Variants in CSF2RB observed in about 807,000 individuals in gnomAD.
CSF2RB encodes colony stimulating factor 2 receptor subunit beta.
CSF2RB carries 22 observed loss-of-function variants against 67.2 expected under a neutral mutation model. The observed-to-expected ratio is 0.33, with a 90% CI of 0.23 to 0.47. CSF2RB has a LOEUF of 0.47. Among genes scored for constraint, CSF2RB ranks in the 20% least tolerant of loss-of-function variants. The pLI is 1.00. For synonymous variants in CSF2RB, 507 were observed against 482.9 expected (o/e 1.05, Z -0.65); for missense variants, 1,113 against 1,174.5 (o/e 0.95, Z 0.76).
rs1277280402 is a variant in CSF2RB at position 36,938,256 on chromosome 22, G to A, written c.2448G>A (p.Leu816=). The part of the protein sequence containing the change: ...TSPQPEGLLV[L]QQVGDYCFLP... ...CACAGCCCGAGGGCCTCCTTGTCCTGCAGCAAGTGGGCGACTATTGCTTCC... is the reference window on the plus strand; with the variant it reads ...CACAGCCCGAGGGCCTCCTTGTCCTACAGCAAGTGGGCGACTATTGCTTCC... Residue 816 remains leucine (L), a synonymous_variant, in exon 14 of 14, where the codon CTG becomes CTA. Coordinates refer to ENST00000403662, the MANE Select transcript of CSF2RB (RefSeq NM_000395.3). 1.2e-6 allele frequency: 2 copies of A among 1,614,066 alleles called. No homozygotes were observed. The highest frequency in any genetic ancestry group is 1.7e-6 in the Non-Finnish European group (2 of 1,180,030).
chr22:36,917,957 A>G (rs1225764959), intron 1 of CSF2RB, among the ~76,000 whole-genome samples: 2 of 152,110 alleles, frequency 1.3e-5, no homozygotes, highest in African/African-American at 2.4e-5. Context: ...TAAAGAAACC[A>G]TATTTGCTAC....
intron 3 of CSF2RB, among the ~76,000 whole-genome samples, chr22:36,924,290 G>A (rs1479723737): frequency 4.5e-5 from 3 of 66,470 alleles, no homozygotes; most frequent in African/African-American, 1.2e-4. Flanking sequence ...TTTGCCCACC[G>A]CCGGGGCCTG....
At chr22:36,925,465 G>T (rs532741056) in intron 3 of CSF2RB, among the ~76,000 whole-genome samples, 36 of 152,038 alleles carry the variant, frequency 2.4e-4, no homozygotes, top group Non-Finnish European at 4.3e-4. Flanking sequence ...CCACTCACTC[G>T]CAGTGAGATC....
At chr22:36,924,480 G>A (rs1293923319) in intron 3 of CSF2RB, among the ~76,000 whole-genome samples, 7 of 152,102 alleles carry the variant, frequency 4.6e-5, no homozygotes, top group Admixed American at 1.3e-4. Context: ...GCCCACAGGA[G>A]TGCAGCGCCT....
chr22:36,937,240 G>A lies in CSF2RB; in HGVS notation c.1569-137G>A, dbSNP rs191402397. The A allele has an allele frequency of 3.2e-4, 361 of 1,112,412 alleles. 3 individuals carry two copies. The East Asian group carries it at 7.0e-3, about 21-fold the overall frequency. The allele number at this position is 1,112,412 out of a possible 1,614,324, so 68.9% of individuals were successfully genotyped here. On this transcript the variant is annotated intron_variant, in intron 13 of 13. Coordinates refer to ENST00000403662, the MANE Select transcript of CSF2RB (RefSeq NM_000395.3). This position sits in a 1 kb window ranked among gnomAD's most constrained non-coding sequence, Gnocchi z 4.6. Reference sequence around the variant, plus strand: ...GCCCCTGCTCCCTCAACCCTGTCCCGTTCAGGTTCTCTCTGTGAGATCTGG... The same window carrying A: ...GCCCCTGCTCCCTCAACCCTGTCCCATTCAGGTTCTCTCTGTGAGATCTGG...
At position 36,919,117 on chromosome 22, in the gene CSF2RB, T is replaced by C. The variant is rs1488126622; in HGVS notation, c.-172-2919T>C. On this transcript the variant is annotated intron_variant, in intron 1 of 13. Transcript: ENST00000403662. ...GGAGTATAGGAAGGAAATAGACCTT[T>C]TTATTCTGTGTAGCAATAAACTCAG... 7.2e-5 allele frequency among the ~76,000 whole-genome samples: 11 copies of C among 152,214 alleles called. No individual in the cohort carries two copies. In the East Asian group the frequency reaches 1.9e-3, roughly 27 times the overall value.
intron 4 of CSF2RB, among the ~76,000 whole-genome samples, chr22:36,927,380 G>A (rs1014571822): frequency 1.3e-5 from 2 of 152,120 alleles, no homozygotes; most frequent in Admixed American, 1.3e-4. Context: ...CCTCATGCAG[G>A]GGGTAAAGGG....
chr22:36,925,617 T>G (rs571587054), intron 3 of CSF2RB, among the ~76,000 whole-genome samples: 1 of 152,336 alleles, frequency 6.6e-6, no homozygotes, highest in East Asian at 1.9e-4. Flanking sequence ...TCCCATTTCC[T>G]GAAATCCTCA....
Position 36,937,985 on chromosome 22 carries a change from C to T in CSF2RB, c.2177C>T (p.Ser726Leu), listed in dbSNP as rs574382286. The change falls in exon 14 of 14, where the codon TCG becomes TTG. Residue 726 changes from serine to leucine, a missense_variant. By Grantham distance (145) the Ser-to-Leu change is moderately radical (BLOSUM62 -2). Coordinates refer to ENST00000403662, the MANE Select transcript of CSF2RB (RefSeq NM_000395.3). The surrounding 1 kb of genome is among the most constrained non-coding windows in gnomAD (Gnocchi z 4.6). ...GTATTCACCCCAAACTCAGGGGCCT[C>T]GTCTGTCTCCCTAGTTCCCTCTCTG... ...DLVFTPNSGASSVSLVPSLGL... is the reference protein window; with the variant it reads ...DLVFTPNSGALSVSLVPSLGL... 2.7e-5 allele frequency: 43 copies of T among 1,614,144 alleles called. No individual in the cohort carries two copies. The highest frequency in any genetic ancestry group is 8.8e-5 in the South Asian group (8 of 91,088).
In CSF2RB at chr22:36,939,392, G is replaced by A; in HGVS notation, c.*890G>A. 1 of 635,138 alleles carries A rather than the reference G, an allele frequency of 1.6e-6. No homozygotes were observed. Among genetic ancestry groups the A allele is most frequent in the Non-Finnish European group, 2.9e-6 (1 of 350,836 alleles). The allele number at this position is 635,138 out of a possible 1,614,324, so 39.3% of individuals were successfully genotyped here. ...ATGCCCCAAAGGCATATATGCTTTAGGGCCTTTGGTCCAAATGGCCCGGGT... is the reference window on the plus strand; with the variant it reads ...ATGCCCCAAAGGCATATATGCTTTAAGGCCTTTGGTCCAAATGGCCCGGGT... On this transcript the variant is annotated 3_prime_UTR_variant, in exon 14 of 14. Coordinates refer to ENST00000403662, the MANE Select transcript of CSF2RB (RefSeq NM_000395.3).
chr22:36,933,048 C>A, intron 9 of CSF2RB, 144 bp downstream of exon 9: 1 of 999,036 alleles, frequency 1.0e-6, no homozygotes, highest in Non-Finnish European at 1.5e-6. Context: ...GATCACTAGG[C>A]TGTGTGGTCA....
intron 8 of CSF2RB, among the ~76,000 whole-genome samples, chr22:36,931,086 A>G (rs1180614671): frequency 6.6e-6 from 1 of 152,194 alleles, no homozygotes; most frequent in Non-Finnish European, 1.5e-5. Flanking sequence ...GCAGCTCTCT[A>G]AATCTCCACT....
chr22:36,921,035 ATGTC>A (rs1482113613), intron 1 of CSF2RB, among the ~76,000 whole-genome samples: 1 of 149,326 alleles, frequency 6.7e-6, no homozygotes, highest in Non-Finnish European at 1.5e-5. Flanking sequence ...GTGTGTGTGT[ATGTC>A]TGTGTGTAGG....
In CSF2RB at chr22:36,937,305, A is replaced by G; in HGVS notation, c.1569-72A>G. The G allele has an allele frequency of 6.3e-7, 1 of 1,577,854 alleles. No homozygotes were observed. Among genetic ancestry groups the G allele is most frequent in the Non-Finnish European group, 8.6e-7 (1 of 1,158,626 alleles). ...TCCAGAGAACCATCTCCACCCCACC[A>G]AGACCCTTGTGCCTGACCCGGATCA... is the stretch of plus-strand genomic sequence containing the variant. On this transcript the variant is annotated intron_variant, in intron 13 of 13. Transcript: ENST00000403662. The surrounding 1 kb of genome is among the most constrained non-coding windows in gnomAD (Gnocchi z 4.6).
chr22:36,935,804 C>A, intron 12 of CSF2RB, 117 bp downstream of exon 12: 1 of 1,204,538 alleles, frequency 8.3e-7, no homozygotes, highest in Non-Finnish European at 1.2e-6. Flanking sequence ...TGTAGGTGGA[C>A]TGGGCTTTGG....
At chr22:36,935,755 C>A in intron 12 of CSF2RB, 68 bp downstream of exon 12, 1 of 1,517,234 alleles carries the variant, frequency 6.6e-7, no homozygotes, top group Non-Finnish European at 9.0e-7. Flanking sequence ...TCTGTCCCCA[C>A]CTCCTCCTTC....
chr22:36,922,147 T>C lies in CSF2RB; in HGVS notation c.-61T>C. On this transcript the variant is annotated 5_prime_UTR_variant, in exon 2 of 14. Coordinates refer to ENST00000403662, the MANE Select transcript of CSF2RB (RefSeq NM_000395.3). ...GGACTTCAGGACACTAAGGACCCTG[T>C]CATGCCCATGGCCAGCACCCACCAG... 1 of 1,468,278 alleles carries C rather than the reference T, an allele frequency of 6.8e-7. No individual in the cohort carries two copies. The highest frequency in any genetic ancestry group is 1.4e-5 in the African/African-American group (1 of 71,624). The allele number at this position is 1,468,278 out of a possible 1,614,324, so 91.0% of individuals were successfully genotyped here. A position where few individuals can be genotyped will look rare whatever the true frequency, so the allele number is the denominator to read the frequency against.
At chr22:36,931,326 C>T (rs905593546) in intron 8 of CSF2RB, among the ~76,000 whole-genome samples, 7 of 152,202 alleles carry the variant, frequency 4.6e-5, no homozygotes, top group Admixed American at 1.3e-4. Flanking sequence ...TGCAATGGAA[C>T]CTCTCACGTT....
At chr22:36,932,502 C>T (rs575144658) in intron 8 of CSF2RB, among the ~76,000 whole-genome samples, 1 of 151,058 alleles carries the variant, frequency 6.6e-6, no homozygotes, top group East Asian at 1.9e-4. Context: ...TTTATTTTTA[C>T]TGCAAAAAAT....
Sources: gnomAD v4.1 joint callset for allele counts (sites outside exome capture counted in the v4.1 genomes callset) on GRCh38, gnomAD v4.1.1 for gene constraint, Gnocchi (gnomAD v3.1) non-coding constraint, MANE v1.5 for transcripts, NCBI Gene and HGNC (gene_info 2026-07-23, HGNC 2026-07-21) for gene names.